WASF3: variants seen among roughly 807,000 people sequenced by gnomAD.
WASF3 encodes actin-binding protein WASF3.
WASF3 carries 11 observed loss-of-function variants against 46.6 expected under a neutral mutation model. The ratio of observed to expected loss-of-function variants is 0.24; its 90% confidence interval spans 0.15 to 0.39. WASF3 has a LOEUF of 0.39. Ranked by LOEUF, WASF3 falls within the 10% of genes least tolerant of loss-of-function variation. The pLI is 1.00. For missense variants in WASF3, 576 were observed against 669.8 expected, an observed-to-expected ratio of 0.86 and a Z score of 1.55; for synonymous variants, 242 against 259.7, an observed-to-expected ratio of 0.93 and a Z score of 0.65.
chr13:26,618,735 G>GA (rs1273397421), intron 2 of WASF3: 2 of 152,182 alleles, frequency 1.3e-5, no homozygotes, highest in Non-Finnish European at 2.9e-5. Flanking sequence ...GCACAAGTGA[G>GA]AATGTTTCTC....
chr13:26,661,553 A>G (rs1303458633), intron 3 of WASF3, among the ~76,000 whole-genome samples: 1 of 152,220 alleles, frequency 6.6e-6, no homozygotes, highest in Non-Finnish European at 1.5e-5. Flanking sequence ...CACCTCTGCT[A>G]CTGTGAATAG....
chr13:26,571,476 A>G (rs750506646), intron 1 of WASF3, among the ~76,000 whole-genome samples: 7 of 152,164 alleles, frequency 4.6e-5, no homozygotes, highest in Non-Finnish European at 8.8e-5. Flanking sequence ...ATTGAGTTGT[A>G]CCAACACCAT....
intron 1 of WASF3, among the ~76,000 whole-genome samples, chr13:26,588,382 C>A (rs1880190342): frequency 1.3e-5 from 2 of 152,052 alleles, no homozygotes; most frequent in African/African-American, 4.8e-5. Context: ...ATGACCAGAC[C>A]AAATCAGAAC....
intron 1 of WASF3, among the ~76,000 whole-genome samples, chr13:26,579,875 G>A (rs1879926710): frequency 6.6e-6 from 1 of 152,174 alleles, no homozygotes; most frequent in Non-Finnish European, 1.5e-5. Flanking sequence ...TAGGATGATT[G>A]TATTTCTGAA....
intron 1 of WASF3, among the ~76,000 whole-genome samples, chr13:26,585,808 A>C (rs776012990): frequency 3.3e-4 from 50 of 151,834 alleles, no homozygotes; most frequent in Middle Eastern, 3.4e-3. Flanking sequence ...TAAACTATAA[A>C]CCCCCCAAAT....
At chr13:26,642,481 C>T (rs981850982) in intron 3 of WASF3, 78 bp downstream of exon 3, 2 of 1,458,850 alleles carry the variant, frequency 1.4e-6, no homozygotes, top group African/African-American at 2.9e-5. Flanking sequence ...AATGATTGTC[C>T]AAAGAAGAGA....
chr13:26,610,770 T>G (rs1880949933), intron 1 of WASF3, among the ~76,000 whole-genome samples: 1 of 152,192 alleles, frequency 6.6e-6, no homozygotes, highest in African/African-American at 2.4e-5. Flanking sequence ...AGAAGCATGC[T>G]TCCCTGTTCT....
At chr13:26,598,460 C>T (rs1376993366) in intron 1 of WASF3, among the ~76,000 whole-genome samples, 4 of 152,038 alleles carry the variant, frequency 2.6e-5, no homozygotes. Context: ...AGCTCTTCGG[C>T]CCGATGATTT....
Position 26,565,212 on chromosome 13 carries a change from A to G in WASF3, c.-109+7393A>G, listed in dbSNP as rs1010956125. 1.3e-5 allele frequency among the ~76,000 whole-genome samples: 2 copies of G among 150,546 alleles called. 1 individual carries two copies. Among genetic ancestry groups the G allele is most frequent in the Admixed American group, 1.3e-4 (2 of 15,100 alleles). Reference sequence around the variant, plus strand: ...AAAAAAAAAAAAAGAATTAATGTTTATAGAAGGGCTCATGAATTTCAAAAC... The same window carrying G: ...AAAAAAAAAAAAAGAATTAATGTTTGTAGAAGGGCTCATGAATTTCAAAAC... On this transcript the variant is annotated intron_variant, in intron 1 of 9. Transcript: ENST00000335327.
chr13:26,602,378 A>C (rs1227789785), intron 1 of WASF3, among the ~76,000 whole-genome samples: 1 of 152,194 alleles, frequency 6.6e-6, no homozygotes, highest in Non-Finnish European at 1.5e-5. Flanking sequence ...ATTTATTTCT[A>C]GGAGGTCATT....
At chr13:26,675,010 A>G (rs1883022256) in intron 6 of WASF3, among the ~76,000 whole-genome samples, 1 of 152,184 alleles carries the variant, frequency 6.6e-6, no homozygotes, top group Non-Finnish European at 1.5e-5. Context: ...ATCCATGCCT[A>G]AAGCCTCCGG....
intron 2 of WASF3, among the ~76,000 whole-genome samples, chr13:26,634,530 T>C (rs1881756846): frequency 6.6e-6 from 1 of 152,352 alleles, no homozygotes; most frequent in South Asian, 2.1e-4. Flanking sequence ...CCTGTCATTA[T>C]GATGTTAGCT....
At chr13:26,663,123 G>A (rs1166267570) in intron 3 of WASF3, among the ~76,000 whole-genome samples, 3 of 152,202 alleles carry the variant, frequency 2.0e-5, no homozygotes, top group Admixed American at 1.3e-4. Flanking sequence ...TGAGTTAGCC[G>A]TAGAGAGAGG....
chr13:26,682,701 G>T lies in WASF3; in HGVS notation c.1078G>T (p.Val360Phe). Reference sequence around the variant, plus strand: ...GATTCCCTCAGCACAAACTGCCTTCGTCAGCCCTCTCCAGATGCCCATGCA... The same window carrying T: ...GATTCCCTCAGCACAAACTGCCTTCTTCAGCCCTCTCCAGATGCCCATGCA... ...PVIPSAQTAFVSPLQMPMQPP... is the reference protein window; with the variant it reads ...PVIPSAQTAFFSPLQMPMQPP... Residue 360 changes from valine to phenylalanine, a missense_variant, in exon 9 of 10, where the codon GTC becomes TTC. Around this residue, in one of 3 missense-constraint regions of WASF3, gnomAD observed 295 missense variants for 291.5 expected, o/e 1.01. Transcript: ENST00000335327. The surrounding 1 kb of genome is among the most constrained non-coding windows in gnomAD (Gnocchi z 4.4). 2 of 1,613,930 alleles carry T rather than the reference G, an allele frequency of 1.2e-6. No homozygotes were observed. Among genetic ancestry groups the T allele is most frequent in the Non-Finnish European group, 8.5e-7 (1 of 1,180,004 alleles).
At chr13:26,667,070 A>C (rs1882796870) in intron 4 of WASF3, among the ~76,000 whole-genome samples, 1 of 152,176 alleles carries the variant, frequency 6.6e-6, no homozygotes, top group Non-Finnish European at 1.5e-5. Flanking sequence ...TGTTTGTTTC[A>C]GAAAAACTTA....
At chr13:26,612,288 A>G (rs1881003391) in intron 1 of WASF3, among the ~76,000 whole-genome samples, 1 of 152,178 alleles carries the variant, frequency 6.6e-6, no homozygotes, top group Non-Finnish European at 1.5e-5. Flanking sequence ...ATTTTCTTGT[A>G]TGTATTCTTC....
intron 1 of WASF3, among the ~76,000 whole-genome samples, chr13:26,576,534 A>C (rs1435848987): frequency 1.3e-5 from 2 of 152,152 alleles, no homozygotes; most frequent in African/African-American, 4.8e-5. Context: ...GATAGCCAGG[A>C]GATTGTAATG....
intron 6 of WASF3, among the ~76,000 whole-genome samples, chr13:26,672,595 T>C (rs1201260129): frequency 2.6e-5 from 4 of 152,160 alleles, no homozygotes; most frequent in African/African-American, 9.7e-5. Context: ...TTTTGAAAAT[T>C]GTTCGTTTTG....
At chr13:26,585,035 A>G (rs905948236) in intron 1 of WASF3, among the ~76,000 whole-genome samples, 3 of 152,088 alleles carry the variant, frequency 2.0e-5, no homozygotes, top group East Asian at 3.9e-4. Flanking sequence ...AGCTTTCACC[A>G]TGCCATAAAT....
Sources: gnomAD v4.1 joint callset for allele counts (sites outside exome capture counted in the v4.1 genomes callset) on GRCh38, gnomAD v4.1.1 for gene constraint, gnomAD v4.1.1 regional missense constraint, Gnocchi (gnomAD v3.1) non-coding constraint, MANE v1.5 for transcripts, NCBI Gene and HGNC (gene_info 2026-07-23, HGNC 2026-07-21) for gene names.